Variants in PLEKHB2 observed in about 807,000 individuals in gnomAD.
PLEKHB2 encodes the protein pleckstrin homology domain containing B2, also known as pleckstrin homology domain-containing family B member 2.
Under a neutral mutation model 36.5 loss-of-function variants are expected in PLEKHB2, and 31 were observed. That is an observed-to-expected ratio of 0.85 (90% CI 0.64 to 1.15). The LOEUF is 1.15. Ranked by LOEUF, PLEKHB2 falls within the 50% of genes most tolerant of loss-of-function variation. The pLI, the probability that PLEKHB2 is intolerant of heterozygous loss-of-function variation, is 0.00. For missense variants in PLEKHB2, 262 were observed against 295.3 expected (o/e 0.89, Z 0.83); for synonymous variants, 119 against 112.0 (o/e 1.06, Z -0.39).
intron 7 of PLEKHB2, among the ~76,000 whole-genome samples, chr2:131,142,078 C>T (rs1348664333): frequency 6.6e-6 from 1 of 152,180 alleles, no homozygotes; most frequent in East Asian, 1.9e-4. Flanking sequence ...CACCCACACC[C>T]CCTCTCACTC....
At chr2:131,133,283 A>G (rs950763721) in intron 6 of PLEKHB2, among the ~76,000 whole-genome samples, 7 of 152,194 alleles carry the variant, frequency 4.6e-5, no homozygotes, top group African/African-American at 1.7e-4. Flanking sequence ...TGTAGTTTAT[A>G]TGGAATGAAT....
intron 1 of PLEKHB2, chr2:131,118,998 T>G (rs1285888066): frequency 6.6e-6 from 1 of 150,824 alleles, no homozygotes; most frequent in Non-Finnish European, 1.5e-5. Context: ...CTCATGCCTG[T>G]AATCCCAGCA....
At chr2:131,127,410 C>T (rs181113672) in intron 4 of PLEKHB2, among the ~76,000 whole-genome samples, 326 of 152,362 alleles carry the variant, frequency 2.1e-3, no homozygotes, top group Non-Finnish European at 3.3e-3. Context: ...TTATAAAGGA[C>T]ACCAATCATA....
chr2:131,122,686 G>A (rs966506351), intron 2 of PLEKHB2, among the ~76,000 whole-genome samples: 1 of 152,164 alleles, frequency 6.6e-6, no homozygotes, highest in Non-Finnish European at 1.5e-5. Flanking sequence ...GACATTATAT[G>A]CACCCAGAGA....
chr2:131,120,753 G>A, intron 1 of PLEKHB2, 181 bp from the exon 2 acceptor site: 1 of 680,194 alleles, frequency 1.5e-6, no homozygotes, highest in Non-Finnish European at 2.7e-6. Context: ...AGGGGGTACA[G>A]AGTGCGGGGC....
intron 6 of PLEKHB2, among the ~76,000 whole-genome samples, chr2:131,139,852 G>A (rs1446530207): frequency 6.6e-6 from 1 of 152,184 alleles, no homozygotes; most frequent in Non-Finnish European, 1.5e-5. Flanking sequence ...GGCAAAGGAA[G>A]GCCCAGGTGA....
chr2:131,118,126 C>T (rs1573544211), intron 1 of PLEKHB2, among the ~76,000 whole-genome samples: 1 of 152,074 alleles, frequency 6.6e-6, no homozygotes, highest in Admixed American at 6.6e-5. Context: ...GCTGTCTCTG[C>T]GTCAGCTGCC....
chr2:131,134,887 T>G (rs1344736303), intron 6 of PLEKHB2, among the ~76,000 whole-genome samples: 1 of 152,222 alleles, frequency 6.6e-6, no homozygotes, highest in Non-Finnish European at 1.5e-5. Flanking sequence ...CCTCTTTGAT[T>G]TTTTTCATCA....
chr2:131,125,848 G>A lies in PLEKHB2; in HGVS notation c.133G>A (p.Asp45Asn). ...TGACCAGACTCGGCAGAATATCGAG[G>A]ATAAGGTCCACATGCCAATGGACTG... ...YDDQTRQNIE[D>N]KVHMPMDCIN... The change falls in exon 3 of 8, where the codon GAT (aspartate) becomes AAT (asparagine). Residue 45 changes from aspartate (D) to asparagine (N), a missense_variant. Physicochemically the swap from Asp to Asn is conservative, Grantham distance 23. Coordinates refer to ENST00000693505, the MANE Select transcript of PLEKHB2 (RefSeq NM_001100623.2). The A allele has an allele frequency of 6.2e-7, 1 of 1,613,790 alleles. No individual in the cohort carries two copies. The highest frequency in any genetic ancestry group is 8.5e-7 in the Non-Finnish European group (1 of 1,179,866).
intron 7 of PLEKHB2, among the ~76,000 whole-genome samples, chr2:131,141,091 T>C (rs913545365): frequency 6.6e-6 from 1 of 152,110 alleles, no homozygotes; most frequent in Non-Finnish European, 1.5e-5. Context: ...ACCAGAAACG[T>C]GGGTCACTAA....
chr2:131,131,897 G>C (rs1463713215), intron 5 of PLEKHB2, among the ~76,000 whole-genome samples: 1 of 151,504 alleles, frequency 6.6e-6, no homozygotes, highest in Non-Finnish European at 1.5e-5. Context: ...GCAGTGGAGC[G>C]ATCTCGGCTC....
At chr2:131,140,094 C>T in intron 6 of PLEKHB2, 73 bp from the exon 7 acceptor site, 1 of 855,446 alleles carries the variant, frequency 1.2e-6, no homozygotes, top group Non-Finnish European at 1.8e-6. Flanking sequence ...TTGATTGCAA[C>T]CTGGAGACCA....
At chr2:131,126,868 G>A (rs746798284) in intron 4 of PLEKHB2, 82 bp downstream of exon 4, 7 of 804,934 alleles carry the variant, frequency 8.7e-6, no homozygotes, top group Non-Finnish European at 1.4e-5. Flanking sequence ...AAAAGAAAGG[G>A]CGTGGAGTTT....
chr2:131,129,587 C>T (rs1478002507), intron 4 of PLEKHB2, among the ~76,000 whole-genome samples: 2 of 152,136 alleles, frequency 1.3e-5, no homozygotes, highest in Admixed American at 6.5e-5. Flanking sequence ...TCATTGCAAC[C>T]TCTGCCTCCC....
intron 1 of PLEKHB2, 88 bp downstream of exon 1, chr2:131,105,486 C>T (rs1694600588): frequency 6.5e-6 from 1 of 153,110 alleles, no homozygotes; most frequent in South Asian, 2.0e-4. Flanking sequence ...GCTGCCCAGC[C>T]TCGCGCCCCT....
At chr2:131,125,675 C>T (rs187616798) in intron 2 of PLEKHB2, 78 bp from the exon 3 acceptor site, 3 of 1,172,830 alleles carry the variant, frequency 2.6e-6, no homozygotes, top group Admixed American at 4.6e-5. Flanking sequence ...TGTGAATAGC[C>T]ACTGCATTCC....
chr2:131,149,459 G>A lies in PLEKHB2; in HGVS notation c.*2686G>A, dbSNP rs1699527610. 1 of 152,156 alleles carries A rather than the reference G, an allele frequency of 6.6e-6. No homozygotes were observed. The highest frequency in any genetic ancestry group is 2.4e-5 in the African/African-American group (1 of 41,414). The allele number at this position is 152,156 out of a possible 1,614,324, so 9.4% of individuals were successfully genotyped here. A position where few individuals can be genotyped will look rare whatever the true frequency, so the allele number is the denominator to read the frequency against. Reference sequence around the variant, plus strand: ...TTTCATTCCTTGAGTCAACTTCAGGGTCTTGGATACTAAAGAGAAGGAGAA... The same window carrying A: ...TTTCATTCCTTGAGTCAACTTCAGGATCTTGGATACTAAAGAGAAGGAGAA... On this transcript the variant is annotated 3_prime_UTR_variant, in exon 8 of 8. Coordinates refer to ENST00000693505, the MANE Select transcript of PLEKHB2 (RefSeq NM_001100623.2).
chr2:131,118,034 C>T (rs911180168), intron 1 of PLEKHB2, among the ~76,000 whole-genome samples: 1 of 152,042 alleles, frequency 6.6e-6, no homozygotes, highest in East Asian at 1.9e-4. Flanking sequence ...AGTGATAAAC[C>T]CATCATGCTG....
intron 4 of PLEKHB2, chr2:131,127,130 C>T (rs1422083517): frequency 9.4e-6 from 2 of 213,644 alleles, no homozygotes; most frequent in Non-Finnish European, 1.9e-5. Context: ...GTTCCTAGGG[C>T]TGCTGTCACA....
Sources: gnomAD v4.1 joint callset for allele counts (sites outside exome capture counted in the v4.1 genomes callset) on GRCh38, gnomAD v4.1.1 for gene constraint, MANE v1.5 for transcripts, NCBI Gene and HGNC (gene_info 2026-07-23, HGNC 2026-07-21) for gene names.